Variants in SLC43A1 observed in about 807,000 individuals in gnomAD.
SLC43A1 encodes the protein large neutral amino acids transporter small subunit 3.
SLC43A1 carries 31 observed loss-of-function variants against 59.5 expected under a neutral mutation model. That is an observed-to-expected ratio of 0.52 (90% confidence interval 0.39 to 0.70). The LOEUF is 0.70. Among genes scored for constraint, SLC43A1 ranks in the 30% least tolerant of loss-of-function variants. The probability of loss-of-function intolerance (pLI) is 0.00; values close to 1 mark genes in which losing one functional copy is unlikely to be tolerated. For synonymous variants in SLC43A1, 259 were observed against 290.9 expected, an observed-to-expected ratio of 0.89 and a Z score of 1.12; for missense variants, 598 against 717.8, an observed-to-expected ratio of 0.83 and a Z score of 1.91.
chr11:57,492,581 T>G (rs1226640654), intron 8 of SLC43A1, among the ~76,000 whole-genome samples: 1 of 123,944 alleles, frequency 8.1e-6, no homozygotes, highest in Admixed American at 8.9e-5. Context: ...TATAAAAAAA[T>G]AAGCCAGGCA....
At chr11:57,493,878 G>T in intron 8 of SLC43A1, 115 bp downstream of exon 8, 1 of 953,956 alleles carries the variant, frequency 1.0e-6, no homozygotes, top group Non-Finnish European at 1.5e-6. Context: ...CTACATCATG[G>T]GGTGTTGTAA....
Position 57,496,146 on chromosome 11 carries a change from CACCGGCATCGTAG to C in SLC43A1, c.564_576del (p.Ile188MetfsTer20), listed in dbSNP as rs1565131207. 1.2e-6 allele frequency: 2 copies of C among 1,614,050 alleles called. No homozygotes were observed. Among genetic ancestry groups the C allele is most frequent in the Middle Eastern group, 3.3e-4 (2 of 6,056 alleles). ...GTGAACATGATGACCACGAAGGCCA[CACCGGCATCGTAG>C]ATCAGCTGTGAGAGGAGGGGGCAGG... On this transcript the variant is annotated frameshift_variant, in exon 7 of 15. Coordinates refer to ENST00000278426, the MANE Select transcript of SLC43A1 (RefSeq NM_003627.6). LOFTEE classifies it high-confidence loss of function.
intron 7 of SLC43A1, among the ~76,000 whole-genome samples, chr11:57,495,731 A>G (rs1161431705): frequency 6.6e-6 from 1 of 151,942 alleles, no homozygotes; most frequent in African/African-American, 2.4e-5. Context: ...AGGCAGAGGG[A>G]GAGGTTCGCT....
intron 2 of SLC43A1, among the ~76,000 whole-genome samples, chr11:57,508,986 C>T (rs778375035): frequency 4.6e-5 from 7 of 151,854 alleles, no homozygotes; most frequent in Non-Finnish European, 1.0e-4. Context: ...CATGGTGGTA[C>T]ACGCCTGTAA....
chr11:57,486,669 C>T (rs1250470175), intron 14 of SLC43A1, among the ~76,000 whole-genome samples: 6 of 150,120 alleles, frequency 4.0e-5, no homozygotes, highest in African/African-American at 7.3e-5. Flanking sequence ...ATTAGCTGGG[C>T]GTGGTGGTGG....
chr11:57,514,058 C>A lies in SLC43A1; in HGVS notation c.54G>T (p.Thr18=). Residue 18 remains threonine (T), a synonymous_variant, in exon 2 of 15, where the codon ACG becomes ACT. Coordinates refer to ENST00000278426, the MANE Select transcript of SLC43A1 (RefSeq NM_003627.6). This position sits in a 1 kb window ranked among gnomAD's most constrained non-coding sequence, Gnocchi z 5.5. Reference sequence around the variant, plus strand: ...AGAAGAAGAGGTTCTCCAGCACAGCCGTGCAGGCCATCCACCAGCGCCTCC... The same window carrying A: ...AGAAGAAGAGGTTCTCCAGCACAGCAGTGCAGGCCATCCACCAGCGCCTCC... ...AYRRRWWMAC[T]AVLENLFFSA... The A allele has an allele frequency of 2.5e-6, 4 of 1,607,374 alleles. No individual in the cohort carries two copies. The highest frequency in any genetic ancestry group is 2.5e-6 in the Non-Finnish European group (3 of 1,176,964).
At chr11:57,508,013 T>C (rs543517931) in intron 2 of SLC43A1, among the ~76,000 whole-genome samples, 54 of 152,334 alleles carry the variant, frequency 3.5e-4, no homozygotes, top group Admixed American at 2.7e-3. Flanking sequence ...ACGCCTGTAA[T>C]CCCGACACTT....
chr11:57,489,524 A>T, intron 11 of SLC43A1, 132 bp from the exon 12 acceptor site: 1 of 1,178,234 alleles, frequency 8.5e-7, no homozygotes, highest in East Asian at 2.4e-5. Context: ...CCATGTTTCT[A>T]TGGGAAACCC....
chr11:57,489,374 T>C lies in SLC43A1; in HGVS notation c.1212A>G (p.Lys404=). Residue 404 remains lysine, a synonymous_variant, in exon 12 of 15, where the codon AAA becomes AAG. Coordinates refer to ENST00000278426, the MANE Select transcript of SLC43A1 (RefSeq NM_003627.6). ...TCTTGCAGTAGCGTGGTCTGATGGA[T>C]TTGGTAGCAACCCCGTCCCTGAGGA... ...LGDARDGVAT[K]SIRPRYCKIQ... 6.2e-7 allele frequency: 1 copy of C among 1,614,142 alleles called. No homozygotes were observed. The highest frequency in any genetic ancestry group is 1.7e-5 in the Admixed American group (1 of 60,028).
chr11:57,493,917 C>T, intron 8 of SLC43A1, 76 bp downstream of exon 8: 1 of 1,426,022 alleles, frequency 7.0e-7, no homozygotes, highest in South Asian at 1.4e-5. Context: ...AATAAATACT[C>T]AACCATGAGT....
intron 13 of SLC43A1, 22 bp downstream of exon 13, chr11:57,488,894 C>T (rs1424439091): frequency 6.2e-7 from 1 of 1,606,284 alleles, no homozygotes; most frequent in Non-Finnish European, 8.5e-7. Flanking sequence ...CTCAGGAAGG[C>T]ATTTCAGCCC....
chr11:57,509,105 C>G (rs1944462826), intron 2 of SLC43A1, among the ~76,000 whole-genome samples: 1 of 149,936 alleles, frequency 6.7e-6, no homozygotes, highest in South Asian at 2.1e-4. Flanking sequence ...GACGGAGACT[C>G]TGTCTCCAAA....
At chr11:57,506,924 C>T (rs1186773664) in intron 2 of SLC43A1, among the ~76,000 whole-genome samples, 2 of 152,224 alleles carry the variant, frequency 1.3e-5, no homozygotes, top group African/African-American at 4.8e-5. Flanking sequence ...AATTGAACTG[C>T]TTCTGCCTAA....
At chr11:57,490,570 C>G (rs946137639) in intron 11 of SLC43A1, among the ~76,000 whole-genome samples, 1 of 152,186 alleles carries the variant, frequency 6.6e-6, no homozygotes, top group African/African-American at 2.4e-5. Context: ...TATGGAGAGG[C>G]CATGGGGGTA....
At chr11:57,496,852 A>G (rs1196498088) in intron 6 of SLC43A1, among the ~76,000 whole-genome samples, 2 of 152,300 alleles carry the variant, frequency 1.3e-5, no homozygotes, top group Non-Finnish European at 2.9e-5. Context: ...GACCAGGATA[A>G]TTAATGTCTG....
At position 57,491,857 on chromosome 11, in the gene SLC43A1, C is replaced by G. The variant is rs200433921; in HGVS notation, c.877G>C (p.Val293Leu). The change falls in exon 9 of 15, where the codon GTC becomes CTC. Residue 293 changes from valine (V) to leucine (L), a missense_variant. By Grantham distance (32) the Val-to-Leu change is conservative. Transcript: ENST00000278426. ...GAGCAGAGGCTCTTGCGTAAGGGGA[C>G]AGACCCTGGGGAGACAGCAGGGGGC... ...GTSENLPERS[V>L]PLRKSLCSPT... is the part of the protein sequence containing the mutation. The G allele has an allele frequency of 3.2e-4, 510 of 1,613,942 alleles. No homozygotes were observed. The highest frequency in any genetic ancestry group is 4.1e-4 in the Non-Finnish European group (484 of 1,180,020).
Position 57,488,904 on chromosome 11 carries a change from C to G in SLC43A1, c.1409+12G>C, listed in dbSNP as rs749406908. ...CAAAGCTCAGGAAGGCATTTCAGCC[C>G]AACAGACTCACACTGCAGCATAGAG... On this transcript the variant is annotated intron_variant, in intron 13 of 14. Coordinates refer to ENST00000278426, the MANE Select transcript of SLC43A1 (RefSeq NM_003627.6). 1 of 1,612,130 alleles carries G rather than the reference C, an allele frequency of 6.2e-7. No individual in the cohort carries two copies. The highest frequency in any genetic ancestry group is 8.5e-7 in the Non-Finnish European group (1 of 1,178,206).
At chr11:57,493,268 T>G (rs1419969029) in intron 8 of SLC43A1, among the ~76,000 whole-genome samples, 1 of 152,154 alleles carries the variant, frequency 6.6e-6, no homozygotes, top group African/African-American at 2.4e-5. Context: ...CATGTTGCCC[T>G]CTGAGAATCG....
Position 57,514,462 on chromosome 11 carries a change from G to C in SLC43A1, c.-13-338C>G, listed in dbSNP as rs1158178755. 3 of 268,798 alleles carry C rather than the reference G, an allele frequency of 1.1e-5. No homozygotes were observed. Among genetic ancestry groups the C allele is most frequent in the Non-Finnish European group, 2.1e-5 (3 of 140,424 alleles). The allele number at this position is 268,798 out of a possible 1,614,324, so 16.7% of individuals were successfully genotyped here. A position where few individuals can be genotyped will look rare whatever the true frequency, so the allele number is the denominator to read the frequency against. ...TGGGGAGAAAGTCCGCATCTGCCCA[G>C]GTCCCCAGAGGACAGCAAGGGGCAG... On this transcript the variant is annotated intron_variant, in intron 1 of 14. Coordinates refer to ENST00000278426, the MANE Select transcript of SLC43A1 (RefSeq NM_003627.6). This position sits in a 1 kb window ranked among gnomAD's most constrained non-coding sequence, Gnocchi z 5.5.
Sources: gnomAD v4.1 joint callset for allele counts (sites outside exome capture counted in the v4.1 genomes callset) on GRCh38, gnomAD v4.1.1 for gene constraint, Gnocchi (gnomAD v3.1) non-coding constraint, MANE v1.5 for transcripts, NCBI Gene and HGNC (gene_info 2026-07-23, HGNC 2026-07-21) for gene names.